SPARC: variants seen among roughly 807,000 people sequenced by gnomAD.
SPARC encodes the protein basement-membrane protein 40.
A neutral mutation model predicts 37.7 loss-of-function variants in SPARC; 23 were observed. The ratio of observed to expected loss-of-function variants is 0.61; its 90% CI spans 0.44 to 0.87. The LOEUF (loss-of-function observed/expected upper bound fraction) is 0.87, where lower values mean the gene tolerates loss of function less well. Among genes scored for constraint, SPARC ranks in the 40% least tolerant of loss-of-function variants. The probability of loss-of-function intolerance (pLI) is 0.00; values close to 1 mark genes in which losing one functional copy is unlikely to be tolerated. For synonymous variants in SPARC, 155 were observed against 150.8 expected (o/e 1.03, Z -0.20); for missense variants, 312 against 389.0 (o/e 0.80, Z 1.66).
chr5:151,683,877 G>C (rs1761067595), intron 1 of SPARC, among the ~76,000 whole-genome samples: 1 of 152,210 alleles, frequency 6.6e-6, no homozygotes, highest in Admixed American at 6.5e-5. Flanking sequence ...AGCTGAGCCA[G>C]TGGGTGCCTG....
At position 151,669,764 on chromosome 5, in the gene SPARC, C is replaced by A. The variant is rs1477597170; in HGVS notation, c.351G>T (p.Lys117Asn). The change falls in exon 6 of 10, where the codon AAG (lysine) becomes AAT (asparagine). Residue 117 changes from lysine (K) to asparagine (N), a missense_variant. By Grantham distance (94) the Lys-to-Asn change is moderately conservative. Transcript: ENST00000231061. ...EFEKVCSNDN[K>N]TFDSSCHFFA... ...AGAAGTGGCAGGAAGAGTCGAAGGT[C>A]TTGTTGTCATTGCTGCACACCTGTT... 6.2e-7 allele frequency: 1 copy of A among 1,614,078 alleles called. No homozygotes were observed. Among genetic ancestry groups the A allele is most frequent in the African/African-American group, 1.3e-5 (1 of 74,916 alleles).
intron 1 of SPARC, among the ~76,000 whole-genome samples, chr5:151,680,214 ATCTT>A (rs1760953206): frequency 1.1e-5 from 1 of 89,994 alleles, no homozygotes; most frequent in Non-Finnish European, 2.2e-5. Context: ...AGTGGAAAAC[ATCTT>A]TTTTTTTTTT....
At chr5:151,684,777 T>A (rs1761089547) in intron 1 of SPARC, among the ~76,000 whole-genome samples, 1 of 152,164 alleles carries the variant, frequency 6.6e-6, no homozygotes, top group Non-Finnish European at 1.5e-5. Flanking sequence ...GTGGCTGCTG[T>A]TACTGTTCTT....
At chr5:151,676,081 G>A in intron 2 of SPARC, 51 bp downstream of exon 2, 1 of 1,488,408 alleles carries the variant, frequency 6.7e-7, no homozygotes, top group South Asian at 1.2e-5. Context: ...CAGAACCCCT[G>A]GTGCTAGCGG....
chr5:151,681,542 A>G (rs1760988018), intron 1 of SPARC, among the ~76,000 whole-genome samples: 2 of 152,244 alleles, frequency 1.3e-5, no homozygotes, highest in Non-Finnish European at 2.9e-5. Flanking sequence ...ATCTTTTAGC[A>G]TGTACTGAAC....
At chr5:151,664,061 C>T (rs1760571185) in intron 9 of SPARC, 26 bp downstream of exon 9, 1 of 1,613,808 alleles carries the variant, frequency 6.2e-7, no homozygotes, top group African/African-American at 1.3e-5. Context: ...TGCCCATGCC[C>T]CTTGCTTCTT....
intron 7 of SPARC, among the ~76,000 whole-genome samples, chr5:151,667,075 C>G (rs1760639414): frequency 6.6e-6 from 1 of 152,168 alleles, no homozygotes; most frequent in Non-Finnish European, 1.5e-5. Context: ...ATGCAGCTTC[C>G]TGGGCCTTGC....
chr5:151,674,525 A>G (rs1019747579), intron 3 of SPARC, 87 bp downstream of exon 3: 4 of 1,256,710 alleles, frequency 3.2e-6, no homozygotes, highest in South Asian at 1.2e-5. Flanking sequence ...CCACTCTAGC[A>G]TTGAGACCCA....
Position 151,673,177 on chromosome 5 carries a change from C to T in SPARC, c.160G>A (p.Glu54Lys), listed in dbSNP as rs1386424217. Reference protein sequence around the residue: ...GANPVQVEVGEFDDGAEETEE... With the variant: ...GANPVQVEVGKFDDGAEETEE... ...GTTTCCTCTGCACCATCATCAAATT[C>T]TCCTACTTCCACCTGGACAGGATTA... Residue 54 changes from glutamate (E) to lysine (K), a missense_variant, in exon 4 of 10, where the codon GAA (glutamate) becomes AAA (lysine). Glu to Lys is a moderately conservative substitution (Grantham distance 56). Coordinates refer to ENST00000231061, the MANE Select transcript of SPARC (RefSeq NM_003118.4). 6.2e-7 allele frequency: 1 copy of T among 1,614,076 alleles called. No individual in the cohort carries two copies. Among genetic ancestry groups the T allele is most frequent in the East Asian group, 2.2e-5 (1 of 44,880 alleles).
chr5:151,666,961 T>C (rs1323426680), intron 7 of SPARC, among the ~76,000 whole-genome samples: 1 of 152,010 alleles, frequency 6.6e-6, no homozygotes, highest in Non-Finnish European at 1.5e-5. Flanking sequence ...GAGGTGGAGG[T>C]TGCAGTGAAC....
At chr5:151,671,935 T>G in intron 4 of SPARC, 1 of 491,638 alleles carries the variant, frequency 2.0e-6, no homozygotes, top group South Asian at 2.8e-5. Context: ...TCTGGGGGGC[T>G]GGAGGCTCAG....
chr5:151,664,473 GCCAT>G (rs1315876196), intron 8 of SPARC, among the ~76,000 whole-genome samples: 1 of 152,206 alleles, frequency 6.6e-6, no homozygotes, highest in Non-Finnish European at 1.5e-5. Context: ...GGAGGAGATG[GCCAT>G]AATTACTAAC....
At chr5:151,673,649 C>CA (rs1489000440) in intron 3 of SPARC, among the ~76,000 whole-genome samples, 8 of 152,310 alleles carry the variant, frequency 5.3e-5, no homozygotes, top group Non-Finnish European at 5.9e-5. Context: ...ATCAAGGACT[C>CA]AAAGGAATGC....
At chr5:151,674,433 G>A (rs1455860921) in intron 3 of SPARC, among the ~76,000 whole-genome samples, 179 bp downstream of exon 3, 1 of 152,152 alleles carries the variant, frequency 6.6e-6, no homozygotes, top group Non-Finnish European at 1.5e-5. Flanking sequence ...TGAAGGTTTG[G>A]GAAGCATTCA....
intron 1 of SPARC, among the ~76,000 whole-genome samples, chr5:151,680,216 CTTTTTTTTTTTTT>C (rs58021431): frequency 8.1e-5 from 5 of 61,970 alleles, no homozygotes; most frequent in South Asian, 6.9e-4. Context: ...TGGAAAACAT[CTTTTTTTTTTTTT>C]TTTTTTTTTT....
At chr5:151,673,524 C>A (rs1010931263) in intron 3 of SPARC, among the ~76,000 whole-genome samples, 8 of 152,202 alleles carry the variant, frequency 5.3e-5, no homozygotes, top group Non-Finnish European at 1.5e-5. Flanking sequence ...ATGCAGTCAT[C>A]CCTCTGAGGC....
chr5:151,685,667 A>G (rs890742547), intron 1 of SPARC, among the ~76,000 whole-genome samples: 1 of 152,206 alleles, frequency 6.6e-6, no homozygotes, highest in African/African-American at 2.4e-5. Flanking sequence ...GCATGCCCGA[A>G]GCCTGTGTCC....
intron 5 of SPARC, 37 bp from the exon 6 acceptor site, chr5:151,669,821 C>T (rs1321531850): frequency 6.2e-7 from 1 of 1,612,392 alleles, no homozygotes. Context: ...TCCTTCATTC[C>T]CAAAGCCCTT....
At chr5:151,676,012 A>G (rs780676825) in intron 2 of SPARC, 120 bp downstream of exon 2, 17 of 723,600 alleles carry the variant, frequency 2.3e-5, no homozygotes, top group Non-Finnish European at 3.9e-5. Context: ...AAAAAAAAAG[A>G]CCACTAACTT....
Sources: allele counts gnomAD v4.1 joint callset (sites outside exome capture counted in the v4.1 genomes callset), GRCh38; gene constraint gnomAD v4.1.1; transcripts MANE v1.5; gene names NCBI Gene and HGNC (gene_info 2026-07-23, HGNC 2026-07-21).